TENM2: variants seen among roughly 807,000 people sequenced by gnomAD.
The protein encoded by TENM2 is teneurin transmembrane protein 2.
Under a neutral mutation model 245.2 loss-of-function variants are expected in TENM2, and 52 were observed. The observed-to-expected ratio is 0.21, with a 90% confidence interval of 0.17 to 0.27. TENM2 has a LOEUF of 0.27. TENM2 is among the 10% of genes least tolerant of loss of function. The pLI is 1.00. For synonymous variants in TENM2, 1,363 were observed against 1,438.9 expected, an observed-to-expected ratio of 0.95 and a Z score of 1.19; for missense variants, 3,046 against 3,666.8, an observed-to-expected ratio of 0.83 and a Z score of 4.37.
intron 2 of TENM2, among the ~76,000 whole-genome samples, chr5:167,486,976 C>T (rs1002577063): frequency 6.6e-6 from 1 of 152,114 alleles, no homozygotes; most frequent in African/African-American, 2.4e-5. Flanking sequence ...CAAAAATGTA[C>T]ATATGTACAT....
At chr5:167,025,630 G>A in the TENM2 span, among the ~76,000 whole-genome samples, 2 of 151,640 alleles carry the variant, frequency 1.3e-5, no homozygotes, top group African/African-American at 2.4e-5. Context: ...CAGAATGCTG[G>A]GTAAAAAAAT....
At chr5:168,012,681 G>A (rs997413769) in intron 5 of TENM2, among the ~76,000 whole-genome samples, 31 of 148,012 alleles carry the variant, frequency 2.1e-4, no homozygotes, top group Admixed American at 1.4e-3. Flanking sequence ...AACTGAAGGT[G>A]AGGGGGCAAT....
chr5:168,088,252 T>C (rs577349873), intron 7 of TENM2: 1 of 152,320 alleles, frequency 6.6e-6, no homozygotes, highest in South Asian at 2.1e-4. Flanking sequence ...CAGCCATTCC[T>C]CTGGCTGACA....
intron 25 of TENM2, chr5:168,240,818 A>G (rs946372237): frequency 3.9e-5 from 6 of 152,222 alleles, no homozygotes; most frequent in African/African-American, 1.4e-4. Context: ...AGTTGCCTCC[A>G]AAAACCCTGG....
the TENM2 span, among the ~76,000 whole-genome samples, chr5:167,040,106 T>C: frequency 6.6e-6 from 1 of 152,156 alleles, no homozygotes; most frequent in African/African-American, 2.4e-5. Flanking sequence ...CATGCTGTTA[T>C]TTTCACTATA....
At chr5:167,436,762 G>T (rs1411633302) in intron 2 of TENM2, among the ~76,000 whole-genome samples, 1 of 152,116 alleles carries the variant, frequency 6.6e-6, no homozygotes, top group African/African-American at 2.4e-5. Flanking sequence ...ATGACTAAAA[G>T]GGGCCAAGGT....
At chr5:168,248,146 C>T (rs779435733) in exon 27 of TENM2, 1 of 1,613,970 alleles carries the variant, frequency 6.2e-7, no homozygotes, top group Non-Finnish European at 8.5e-7. Flanking sequence ...TGACTCCAAC[C>T]CCGACTTCCA....
At chr5:167,784,410 T>G (rs1159836884) in intron 2 of TENM2, among the ~76,000 whole-genome samples, 1 of 152,224 alleles carries the variant, frequency 6.6e-6, no homozygotes, top group Non-Finnish European at 1.5e-5. Context: ...CTCTTCCTCC[T>G]CTTCTGTGAT....
chr5:167,735,125 T>C (rs1163206271), intron 2 of TENM2, among the ~76,000 whole-genome samples: 2 of 152,204 alleles, frequency 1.3e-5, no homozygotes, highest in Admixed American at 1.3e-4. Context: ...AAACAATTGC[T>C]TTGAAGTTCC....
intron 27 of TENM2, among the ~76,000 whole-genome samples, chr5:168,248,770 T>C (rs1766825423): frequency 6.6e-6 from 1 of 152,210 alleles, no homozygotes; most frequent in Non-Finnish European, 1.5e-5. Context: ...TATAGTTTCC[T>C]TCCCTGTGAA....
intron 2 of TENM2, among the ~76,000 whole-genome samples, chr5:167,416,263 G>A (rs190458273): frequency 5.9e-5 from 9 of 152,234 alleles, no homozygotes; most frequent in Middle Eastern, 3.4e-3. Flanking sequence ...TGATAGTGCC[G>A]TTACTTTATG....
intron 1 of TENM2, among the ~76,000 whole-genome samples, chr5:167,335,288 T>C (rs1757691602): frequency 6.6e-6 from 1 of 152,114 alleles, no homozygotes; most frequent in African/African-American, 2.4e-5. Context: ...CACTCACTGT[T>C]GTGAGGAAAG....
chr5:167,334,343 A>G (rs527329941), intron 1 of TENM2, among the ~76,000 whole-genome samples: 2 of 152,350 alleles, frequency 1.3e-5, no homozygotes, highest in African/African-American at 4.8e-5. Context: ...AATGACAGTA[A>G]AATTTTCTTA....
At chr5:167,185,821 G>T in the TENM2 span, among the ~76,000 whole-genome samples, 1 of 152,146 alleles carries the variant, frequency 6.6e-6, no homozygotes, top group African/African-American at 2.4e-5. Context: ...TCTTTGCGGG[G>T]ACAGGAGACA....
At chr5:167,261,906 G>A in the TENM2 span, among the ~76,000 whole-genome samples, 1 of 152,098 alleles carries the variant, frequency 6.6e-6, no homozygotes, top group Admixed American at 6.6e-5. Flanking sequence ...GTCCTCCAGG[G>A]GGAGACTCTA....
At chr5:167,495,202 G>C (rs1387297573) in intron 2 of TENM2, among the ~76,000 whole-genome samples, 1 of 150,138 alleles carries the variant, frequency 6.7e-6, no homozygotes, top group Non-Finnish European at 1.5e-5. Context: ...AAGACCCAAA[G>C]TAATGTAAAG....
chr5:167,688,222 T>C (rs975846405), intron 2 of TENM2, among the ~76,000 whole-genome samples: 3 of 152,210 alleles, frequency 2.0e-5, no homozygotes, highest in Non-Finnish European at 4.4e-5. Context: ...TGCTTCTCAC[T>C]GTGTGTATTT....
At chr5:168,041,183 G>A (rs1415237997) in intron 5 of TENM2, among the ~76,000 whole-genome samples, 3 of 152,200 alleles carry the variant, frequency 2.0e-5, no homozygotes, top group African/African-American at 7.2e-5. Flanking sequence ...GAAGTTGCAT[G>A]TGTCTGGGTC....
intron 2 of TENM2, among the ~76,000 whole-genome samples, chr5:167,408,019 C>A (rs919023766): frequency 3.3e-5 from 5 of 152,174 alleles, no homozygotes; most frequent in African/African-American, 1.2e-4. Context: ...ATTCATCAAA[C>A]TCTCATTCTT....
Sources: allele counts gnomAD v4.1 joint callset (sites outside exome capture counted in the v4.1 genomes callset), GRCh38; gene constraint gnomAD v4.1.1; transcripts MANE v1.5; gene names NCBI Gene and HGNC (gene_info 2026-07-23, HGNC 2026-07-21).